GLG1: variants seen among roughly 807,000 people sequenced by gnomAD.
The protein encoded by GLG1 is golgi glycoprotein 1.
GLG1 carries 38 observed loss-of-function variants against 160.5 expected under a neutral mutation model. That is an observed-to-expected ratio of 0.24 (90% CI 0.18 to 0.31). The LOEUF (loss-of-function observed/expected upper bound fraction) is 0.31, where lower values mean the gene tolerates loss of function less well. GLG1 is among the 10% of genes least tolerant of loss of function. The probability of loss-of-function intolerance (pLI) is 1.00; values close to 1 mark genes in which losing one functional copy is unlikely to be tolerated. For synonymous variants in GLG1, 644 were observed against 543.4 expected (o/e 1.19, Z -2.57); for missense variants, 1,373 against 1,505.2 (o/e 0.91, Z 1.45).
At chr16:74,567,777 C>A (rs1353709942) in intron 1 of GLG1, among the ~76,000 whole-genome samples, 4 of 151,182 alleles carry the variant, frequency 2.6e-5, no homozygotes, top group Non-Finnish European at 5.9e-5. Context: ...ACCTTGTTAG[C>A]CAGGATGGTC....
intron 3 of GLG1, among the ~76,000 whole-genome samples, chr16:74,504,134 G>C (rs766587298): frequency 1.3e-5 from 2 of 152,168 alleles, no homozygotes; most frequent in Non-Finnish European, 2.9e-5. Context: ...GCGAGGGGAT[G>C]AATCTAGGGA....
intron 1 of GLG1, among the ~76,000 whole-genome samples, chr16:74,535,169 GTC>G (rs2017653945): frequency 6.6e-6 from 1 of 152,164 alleles, no homozygotes; most frequent in South Asian, 2.1e-4. Context: ...GTTTGAGGGT[GTC>G]TGTTATGAAG....
intron 1 of GLG1, among the ~76,000 whole-genome samples, chr16:74,594,383 ACATT>A (rs1958253680): frequency 6.6e-6 from 1 of 152,346 alleles, no homozygotes; most frequent in Non-Finnish European, 1.5e-5. Context: ...TAAATATCAC[ACATT>A]CAGTCAAACA....
intron 2 of GLG1, among the ~76,000 whole-genome samples, chr16:74,521,657 G>A (rs1240212879): frequency 6.6e-6 from 1 of 152,122 alleles, no homozygotes; most frequent in African/African-American, 2.4e-5. Context: ...ATTAGACAAA[G>A]TAGAAATGTG....
intron 18 of GLG1, among the ~76,000 whole-genome samples, 194 bp downstream of exon 18, chr16:74,467,562 A>C (rs1198161713): frequency 6.6e-6 from 1 of 152,218 alleles, no homozygotes; most frequent in Non-Finnish European, 1.5e-5. Flanking sequence ...AGAGGAGTGC[A>C]GGTGAAGAAC....
intron 1 of GLG1, among the ~76,000 whole-genome samples, chr16:74,588,563 G>A (rs1597375759): frequency 6.6e-6 from 1 of 151,998 alleles, no homozygotes; most frequent in Admixed American, 6.6e-5. Context: ...AGGACTACAG[G>A]CTCTCACCAC....
At chr16:74,602,681 G>A (rs1958467387) in intron 1 of GLG1, among the ~76,000 whole-genome samples, 1 of 152,110 alleles carries the variant, frequency 6.6e-6, no homozygotes, top group African/African-American at 2.4e-5. Flanking sequence ...TACTTGGGAG[G>A]CTGAAGCAGG....
chr16:74,496,328 G>A (rs1003242840), intron 5 of GLG1, 113 bp downstream of exon 5: 7 of 746,396 alleles, frequency 9.4e-6, no homozygotes, highest in East Asian at 5.6e-5. Flanking sequence ...ACCAGCCTGG[G>A]CAACATAGCA....
At chr16:74,596,372 T>C (rs575377335) in intron 1 of GLG1, among the ~76,000 whole-genome samples, 119 of 151,496 alleles carry the variant, frequency 7.9e-4, no homozygotes, top group South Asian at 3.1e-3. Flanking sequence ...CTACTAAAAA[T>C]ACAAAAATTA....
intron 2 of GLG1, among the ~76,000 whole-genome samples, chr16:74,514,752 C>G (rs2016925215): frequency 6.6e-6 from 1 of 152,140 alleles, no homozygotes; most frequent in African/African-American, 2.4e-5. Flanking sequence ...AAATAACCAG[C>G]TAGCATCATA....
At chr16:74,586,128 T>C (rs917871319) in intron 1 of GLG1, among the ~76,000 whole-genome samples, 1 of 149,448 alleles carries the variant, frequency 6.7e-6, no homozygotes, top group African/African-American at 2.5e-5. Context: ...GTGAATTTCA[T>C]CTCAATGAGT....
At chr16:74,569,561 T>C (rs1038475521) in intron 1 of GLG1, among the ~76,000 whole-genome samples, 4 of 152,054 alleles carry the variant, frequency 2.6e-5, no homozygotes, top group African/African-American at 9.7e-5. Flanking sequence ...TTTGCACTTG[T>C]ATCATCAAAA....
intron 1 of GLG1, among the ~76,000 whole-genome samples, chr16:74,589,076 T>A (rs974450245): frequency 3.3e-5 from 5 of 151,834 alleles, no homozygotes; most frequent in South Asian, 2.1e-4. Context: ...ACCCCGTCTC[T>A]ACAAAAAGAA....
At chr16:74,542,716 G>GGGAGGGAGGAAGGAA (rs1567513828) in intron 1 of GLG1, among the ~76,000 whole-genome samples, 1 of 29,784 alleles carries the variant, frequency 3.4e-5, no homozygotes, top group Admixed American at 4.9e-4. Flanking sequence ...AAGGGAAGAA[G>GGGAGGGAGGAAGGAA]GGAAGGAAGG....
chr16:74,503,982 A>T (rs957171681), intron 3 of GLG1, among the ~76,000 whole-genome samples: 2 of 152,214 alleles, frequency 1.3e-5, no homozygotes, highest in African/African-American at 4.8e-5. Context: ...AAACCTGATT[A>T]ATGTGTTTTG....
intron 1 of GLG1, among the ~76,000 whole-genome samples, chr16:74,545,067 G>T (rs397833756): frequency 2.4e-4 from 36 of 152,202 alleles, no homozygotes; most frequent in Middle Eastern, 3.4e-3. Flanking sequence ...AGGCAACTTC[G>T]GTTTAAATTA....
At chr16:74,453,727 C>T (rs2014416349) in intron 25 of GLG1, among the ~76,000 whole-genome samples, 1 of 152,148 alleles carries the variant, frequency 6.6e-6, no homozygotes, top group Non-Finnish European at 1.5e-5. Flanking sequence ...AGAATCAGTG[C>T]CCAGGGGTGA....
chr16:74,521,132 G>C (rs1220459045), intron 2 of GLG1, among the ~76,000 whole-genome samples: 1 of 152,180 alleles, frequency 6.6e-6, no homozygotes, highest in Non-Finnish European at 1.5e-5. Flanking sequence ...TCCCGAGTCA[G>C]GAACATTTTC....
At chr16:74,477,977 A>AAAACGAACAAAT (rs55773213) in intron 11 of GLG1, among the ~76,000 whole-genome samples, 172 of 140,198 alleles carry the variant, frequency 1.2e-3, no homozygotes, top group African/African-American at 4.2e-3. Flanking sequence ...CCGTCTCAAA[A>AAAACGAACAAAT]AAATAAATAA....
Sources: allele counts gnomAD v4.1 joint callset (sites outside exome capture counted in the v4.1 genomes callset), GRCh38; gene constraint gnomAD v4.1.1; transcripts MANE v1.5; gene names NCBI Gene and HGNC (gene_info 2026-07-23, HGNC 2026-07-21).